Variants in GREB1L observed in about 807,000 individuals in gnomAD.
GREB1L encodes GREB1-like protein.
Under a neutral mutation model 200.8 loss-of-function variants are expected in GREB1L, and 17 were observed. That is an observed-to-expected ratio of 0.08 (90% CI 0.06 to 0.13). The LOEUF (loss-of-function observed/expected upper bound fraction) is 0.13. Ranked by LOEUF, GREB1L falls within the 10% of genes least tolerant of loss-of-function variation. GREB1L has a pLI of 1.00. For synonymous variants in GREB1L, 789 were observed against 893.0 expected (o/e 0.88, Z 2.08); for missense variants, 1,657 against 2,367.7 (o/e 0.70, Z 6.23).
intron 17 of GREB1L, among the ~76,000 whole-genome samples, chr18:21,478,477 T>C (rs572259907): frequency 1.4e-4 from 22 of 152,302 alleles, no homozygotes; most frequent in Non-Finnish European, 3.2e-4. Context: ...ACCAAAAATG[T>C]CTTACATAAA....
chr18:21,512,374 C>G (rs904211144), intron 27 of GREB1L, among the ~76,000 whole-genome samples: 1 of 152,162 alleles, frequency 6.6e-6, no homozygotes, highest in Non-Finnish European at 1.5e-5. Flanking sequence ...ATGCTTTGTA[C>G]TTTTCACTGT....
At chr18:21,312,123 G>C (rs557256655) in intron 1 of GREB1L, among the ~76,000 whole-genome samples, 43 of 152,222 alleles carry the variant, frequency 2.8e-4, no homozygotes, top group Admixed American at 1.2e-3. Context: ...ATGGCCTCCA[G>C]CTCCATCCAT....
intron 32 of GREB1L, among the ~76,000 whole-genome samples, chr18:21,521,912 G>C (rs540974974): frequency 7.0e-6 from 1 of 143,204 alleles, no homozygotes; most frequent in Non-Finnish European, 1.5e-5. Flanking sequence ...GCTGAGACAG[G>C]AGAATTGCTT....
chr18:21,352,301 C>T (rs1352125197), intron 1 of GREB1L, among the ~76,000 whole-genome samples: 1 of 152,096 alleles, frequency 6.6e-6, no homozygotes, highest in Non-Finnish European at 1.5e-5. Context: ...AATAAACCTA[C>T]TGATGTGAAA....
chr18:21,302,203 G>C (rs2038627982), intron 1 of GREB1L, among the ~76,000 whole-genome samples: 1 of 152,190 alleles, frequency 6.6e-6, no homozygotes, highest in Non-Finnish European at 1.5e-5. Context: ...CTGGGATGGA[G>C]GGTGGAAGAT....
intron 1 of GREB1L, among the ~76,000 whole-genome samples, chr18:21,308,922 T>C (rs190238477): frequency 6.6e-6 from 1 of 152,354 alleles, no homozygotes; most frequent in Admixed American, 6.5e-5. Flanking sequence ...TACTTCTATA[T>C]GGTGACCTCT....
At chr18:21,502,371 G>T (rs1481820401) in intron 23 of GREB1L, among the ~76,000 whole-genome samples, 1 of 152,134 alleles carries the variant, frequency 6.6e-6, no homozygotes, top group African/African-American at 2.4e-5. Context: ...CCAGGCGGAA[G>T]TTCCTCTCAA....
At chr18:21,491,709 T>C (rs747364197) in intron 19 of GREB1L, among the ~76,000 whole-genome samples, 1 of 127,654 alleles carries the variant, frequency 7.8e-6, no homozygotes, top group African/African-American at 3.8e-5. Context: ...CGAGACTCTG[T>C]CTCAAAAAAA....
intron 14 of GREB1L, among the ~76,000 whole-genome samples, chr18:21,453,557 CATG>C (rs1369208917): frequency 1.1e-4 from 16 of 152,328 alleles, no homozygotes; most frequent in African/African-American, 3.8e-4. Flanking sequence ...TGTGGATGTG[CATG>C]CACGTATAAG....
chr18:21,339,024 A>G (rs561123937), intron 1 of GREB1L, among the ~76,000 whole-genome samples: 2 of 152,296 alleles, frequency 1.3e-5, no homozygotes, highest in Admixed American at 6.5e-5. Context: ...CCCCGTCTCT[A>G]CTAAAAATAC....
chr18:21,303,703 G>A (rs774668181), intron 1 of GREB1L, among the ~76,000 whole-genome samples: 1 of 152,208 alleles, frequency 6.6e-6, no homozygotes, highest in South Asian at 2.1e-4. Flanking sequence ...TTACTGTAAA[G>A]AAGTCAGCCC....
At chr18:21,376,666 A>G (rs1598717530) in intron 2 of GREB1L, among the ~76,000 whole-genome samples, 1 of 151,386 alleles carries the variant, frequency 6.6e-6, no homozygotes, top group Non-Finnish European at 1.5e-5. Flanking sequence ...TTAGCCGGGC[A>G]TGGTGGCAGG....
intron 1 of GREB1L, among the ~76,000 whole-genome samples, chr18:21,360,389 T>G (rs2039565398): frequency 1.3e-5 from 2 of 152,104 alleles, no homozygotes; most frequent in African/African-American, 4.8e-5. Context: ...TAGCTAATTT[T>G]TTTTTTTTGT....
chr18:21,515,209 A>C (rs969351742), intron 28 of GREB1L, among the ~76,000 whole-genome samples: 5 of 152,190 alleles, frequency 3.3e-5, no homozygotes, highest in African/African-American at 1.2e-4. Flanking sequence ...GAAAGTGATA[A>C]GCCCCACCCC....
At position 21,508,102 on chromosome 18, in the gene GREB1L, T is replaced by G. The variant is rs1001435626; in HGVS notation, c.4369-16T>G. 3.2e-6 allele frequency: 5 copies of G among 1,550,868 alleles called. No homozygotes were observed. The African/African-American group carries it at 4.1e-5, about 13-fold the overall frequency. On this transcript the variant is annotated splice_polypyrimidine_tract_variant and intron_variant, in intron 25 of 32. Coordinates refer to ENST00000424526, the MANE Select transcript of GREB1L (RefSeq NM_001142966.3). Reference sequence around the variant, plus strand: ...GGCTTACTTACGTTCCCTCCCTTTCTTCTTTGCAAATGTAGATGTCTGACT... The same window carrying G: ...GGCTTACTTACGTTCCCTCCCTTTCGTCTTTGCAAATGTAGATGTCTGACT...
At chr18:21,381,640 T>G (rs1269160766) in intron 2 of GREB1L, among the ~76,000 whole-genome samples, 1 of 152,190 alleles carries the variant, frequency 6.6e-6, no homozygotes, top group African/African-American at 2.4e-5. Flanking sequence ...TCACACATCC[T>G]GCAGATTCTG....
chr18:21,260,944 T>G (rs1476659511), intron 1 of GREB1L, among the ~76,000 whole-genome samples: 2 of 151,988 alleles, frequency 1.3e-5, no homozygotes, highest in Non-Finnish European at 2.9e-5. Flanking sequence ...GAAAACCTAT[T>G]AAACAGCCAA....
At chr18:21,366,625 C>A in intron 2 of GREB1L, among the ~76,000 whole-genome samples, 1 of 93,434 alleles carries the variant, frequency 1.1e-5, no homozygotes, top group Non-Finnish European at 1.9e-5. Context: ...CTCCCCACCC[C>A]CCACCCCCAT....
intron 1 of GREB1L, among the ~76,000 whole-genome samples, chr18:21,272,253 T>A (rs1269371287): frequency 6.6e-6 from 1 of 152,156 alleles, no homozygotes; most frequent in East Asian, 1.9e-4. Context: ...ATTCTAGACT[T>A]CAAGATTGCT....
Sources: allele counts gnomAD v4.1 joint callset (sites outside exome capture counted in the v4.1 genomes callset), GRCh38; gene constraint gnomAD v4.1.1; transcripts MANE v1.5; gene names NCBI Gene and HGNC (gene_info 2026-07-23, HGNC 2026-07-21).